ANKRD30A: variants seen among roughly 807,000 people sequenced by gnomAD.
The protein encoded by ANKRD30A is ankyrin repeat domain-containing protein 30A.
In ANKRD30A, 170 loss-of-function variants were observed where a neutral mutation model predicts 166.3. The observed-to-expected ratio is 1.02, with a 90% CI of 0.90 to 1.16. The LOEUF (loss-of-function observed/expected upper bound fraction) is 1.16. Among genes scored for constraint, ANKRD30A ranks in the 50% most tolerant of loss-of-function variants. The pLI, the probability that ANKRD30A is intolerant of heterozygous loss-of-function variation, is 0.00. For missense variants in ANKRD30A, 1,630 were observed against 1,518.0 expected (o/e 1.07, Z -1.23); for synonymous variants, 564 against 508.9 (o/e 1.11, Z -1.46).
chr10:37,228,885 C>T (rs1175670518), intron 34 of ANKRD30A, among the ~76,000 whole-genome samples: 1 of 151,908 alleles, frequency 6.6e-6, no homozygotes, highest in Non-Finnish European at 1.5e-5. Context: ...TGTTTCCTAA[C>T]AATTGCCCAC....
chr10:37,126,831 T>C (rs2132498798), intron 1 of ANKRD30A, among the ~76,000 whole-genome samples: 1 of 152,024 alleles, frequency 6.6e-6, no homozygotes, highest in Admixed American at 6.6e-5. Flanking sequence ...GTGGATCATC[T>C]GAGGTCAGGA....
rs1836295907 is a variant in ANKRD30A at position 37,130,194 on chromosome 10, A to G, written c.337-11A>G. 6.4e-7 allele frequency: 1 copy of G among 1,554,628 alleles called. No homozygotes were observed. Among genetic ancestry groups the G allele is most frequent in the African/African-American group, 1.4e-5 (1 of 71,244 alleles). ...TACAGTTTACAATAATTCTTGCTTT[A>G]ATACTGACAGGCTCTACAATGCCAT... On this transcript the variant is annotated splice_polypyrimidine_tract_variant and intron_variant, in intron 2 of 35. Transcript: ENST00000361713.
At chr10:37,196,201 G>T (rs531219286) in intron 27 of ANKRD30A, among the ~76,000 whole-genome samples, 8 of 150,710 alleles carry the variant, frequency 5.3e-5, no homozygotes, top group African/African-American at 2.0e-4. Flanking sequence ...AAACAGTTGA[G>T]TGAACTCACT....
intron 31 of ANKRD30A, 31 bp from the exon 32 acceptor site, chr10:37,216,150 A>G (rs1183329885): frequency 1.4e-6 from 2 of 1,468,526 alleles, no homozygotes; most frequent in African/African-American, 1.4e-5. Flanking sequence ...AAGTACTAAT[A>G]TATTTTATTT....
At chr10:37,195,308 G>A (rs1326653799) in intron 27 of ANKRD30A, among the ~76,000 whole-genome samples, 2 of 152,106 alleles carry the variant, frequency 1.3e-5, no homozygotes, top group South Asian at 4.1e-4. Flanking sequence ...ATAATGAAAA[G>A]AGTTGGTTAC....
At chr10:37,162,144 A>G (rs1838952511) in intron 15 of ANKRD30A, among the ~76,000 whole-genome samples, 2 of 152,254 alleles carry the variant, frequency 1.3e-5, no homozygotes, top group South Asian at 4.1e-4. Flanking sequence ...ATGGTTATGG[A>G]AAAAAACAAA....
intron 4 of ANKRD30A, among the ~76,000 whole-genome samples, chr10:37,132,695 C>CT (rs1314998739): frequency 6.6e-6 from 1 of 152,098 alleles, no homozygotes; most frequent in Non-Finnish European, 1.5e-5. Context: ...TTTTTATACA[C>CT]TTTTTAAAAA....
chr10:37,264,098 G>C, the ANKRD30A span, among the ~76,000 whole-genome samples: 7 of 152,148 alleles, frequency 4.6e-5, no homozygotes, highest in East Asian at 1.4e-3. Flanking sequence ...AACAGTTTTT[G>C]CAAATTGAAC....
At chr10:37,192,018 T>A (rs1840622723) in intron 25 of ANKRD30A, among the ~76,000 whole-genome samples, 1 of 151,990 alleles carries the variant, frequency 6.6e-6, no homozygotes. Context: ...TACTTCTAGT[T>A]TTTGATACTT....
At chr10:37,156,224 T>C (rs1838370604) in intron 13 of ANKRD30A, among the ~76,000 whole-genome samples, 1 of 152,174 alleles carries the variant, frequency 6.6e-6, no homozygotes, top group Non-Finnish European at 1.5e-5. Context: ...CATGCTATAC[T>C]AGAAATTAAA....
At position 37,219,057 on chromosome 10, in the gene ANKRD30A, A is replaced by G; in HGVS notation, c.3345A>G (p.Lys1115=). 2 of 1,606,862 alleles carry G rather than the reference A, an allele frequency of 1.2e-6. No homozygotes were observed. Among genetic ancestry groups the G allele is most frequent in the Non-Finnish European group, 1.7e-6 (2 of 1,176,096 alleles). Residue 1115 remains lysine (K), a synonymous_variant, in exon 34 of 36, where the codon AAA becomes AAG. Coordinates refer to ENST00000361713, the MANE Select transcript of ANKRD30A (RefSeq NM_052997.3). ...TGAAAAAGGAAATTGCCATGCTAAAACTGGAAATAGCCACACTGAAACACC... is the reference window on the plus strand; with the variant it reads ...TGAAAAAGGAAATTGCCATGCTAAAGCTGGAAATAGCCACACTGAAACACC... ...CMLKKEIAML[K]LEIATLKHQY...
At chr10:37,193,324 A>G in intron 27 of ANKRD30A, 66 bp downstream of exon 27, 9 of 1,507,020 alleles carry the variant, frequency 6.0e-6, no homozygotes, top group Non-Finnish European at 7.2e-6. Context: ...ATGCTGTGAG[A>G]CTTTTCATTC....
At chr10:37,254,088 G>C in the ANKRD30A span, among the ~76,000 whole-genome samples, 1 of 152,136 alleles carries the variant, frequency 6.6e-6, no homozygotes, top group Non-Finnish European at 1.5e-5. Context: ...CAACATTTGG[G>C]TTCTGAACAG....
At position 37,125,990 on chromosome 10, in the gene ANKRD30A, T is replaced by TA. The variant is rs1564457244; in HGVS notation, c.204dup (p.Gln69ThrfsTer18). ...AGGAAGAAGACCATCAACCTTAATA[T>TA]ACAAGACGCCCAGAAGAGGTACCAG... On this transcript the variant is annotated frameshift_variant, in exon 1 of 36. Transcript: ENST00000361713. LOFTEE classifies it high-confidence loss of function. The TA allele has an allele frequency of 6.3e-7, 1 of 1,589,474 alleles. No individual in the cohort carries two copies. The highest frequency in any genetic ancestry group is 1.4e-5 in the African/African-American group (1 of 73,902).
At chr10:37,241,423 T>C in the ANKRD30A span, 1 of 151,862 alleles carries the variant, frequency 6.6e-6, no homozygotes, top group Non-Finnish European at 1.5e-5. Flanking sequence ...ATATCATATA[T>C]GTCTGATGAA....
chr10:37,126,188 G>C (rs1835999731), intron 1 of ANKRD30A, among the ~76,000 whole-genome samples, 180 bp downstream of exon 1: 1 of 152,206 alleles, frequency 6.6e-6, no homozygotes, highest in Admixed American at 6.5e-5. Flanking sequence ...AGGCCCCCAG[G>C]CTTGGGATGC....
intron 18 of ANKRD30A, among the ~76,000 whole-genome samples, chr10:37,165,916 G>A (rs1262384334): frequency 6.6e-6 from 1 of 151,944 alleles, no homozygotes; most frequent in East Asian, 1.9e-4. Context: ...GAAGTCAATA[G>A]GTAGATTTTA....
intron 7 of ANKRD30A, among the ~76,000 whole-genome samples, chr10:37,143,660 GA>G (rs917980593): frequency 6.8e-6 from 1 of 146,708 alleles, no homozygotes; most frequent in East Asian, 2.0e-4. Flanking sequence ...TCTAAAAAAA[GA>G]AAAAAAAATG....
chr10:37,171,681 C>CT (rs1839574705), intron 21 of ANKRD30A, among the ~76,000 whole-genome samples: 1 of 151,182 alleles, frequency 6.6e-6, no homozygotes, highest in Non-Finnish European at 1.5e-5. Flanking sequence ...AGTTGCACCT[C>CT]TGAGTCTTTT....
Sources: allele counts gnomAD v4.1 joint callset (sites outside exome capture counted in the v4.1 genomes callset), GRCh38; gene constraint gnomAD v4.1.1; transcripts MANE v1.5; gene names NCBI Gene and HGNC (gene_info 2026-07-23, HGNC 2026-07-21).